The following ERBIN variants were observed in gnomAD, a reference collection of about 807,000 sequenced individuals.
ERBIN encodes the protein densin-180-like protein.
Under a neutral mutation model 158.4 loss-of-function variants are expected in ERBIN, and 60 were observed. That is an observed-to-expected ratio of 0.38 (90% CI 0.31 to 0.47). ERBIN has a LOEUF of 0.47. Among genes scored for constraint, ERBIN ranks in the 20% least tolerant of loss-of-function variants. ERBIN has a pLI of 0.99. For synonymous variants in ERBIN, 594 were observed against 557.2 expected, an observed-to-expected ratio of 1.07 and a Z score of -0.93; for missense variants, 1,610 against 1,648.0, an observed-to-expected ratio of 0.98 and a Z score of 0.40.
chr5:65,944,464 C>A (rs1269203431), intron 1 of ERBIN, among the ~76,000 whole-genome samples: 1 of 152,034 alleles, frequency 6.6e-6, no homozygotes, highest in Non-Finnish European at 1.5e-5. Context: ...TGCAGTGGTG[C>A]AATCTCGGCT....
chr5:66,070,245 A>G (rs1342418699), intron 21 of ERBIN, among the ~76,000 whole-genome samples: 2 of 151,958 alleles, frequency 1.3e-5, no homozygotes, highest in Non-Finnish European at 2.9e-5. Context: ...GGGTTTCACT[A>G]TGTTGGCCAG....
At chr5:66,011,914 T>C in intron 4 of ERBIN, 135 bp from the exon 5 acceptor site, 1 of 523,694 alleles carries the variant, frequency 1.9e-6, no homozygotes, top group African/African-American at 1.9e-5. Context: ...TTAGTTCACA[T>C]TGATGTTGTC....
chr5:65,968,802 C>G (rs558882809), intron 1 of ERBIN, among the ~76,000 whole-genome samples: 1 of 152,176 alleles, frequency 6.6e-6, no homozygotes. Flanking sequence ...CTCAGGTGAT[C>G]CACCTGCCTC....
At chr5:66,026,261 A>C in intron 12 of ERBIN, 41 bp from the exon 13 acceptor site, 5 of 1,324,504 alleles carry the variant, frequency 3.8e-6, no homozygotes, top group Non-Finnish European at 5.2e-6. Context: ...ATCAACCTGT[A>C]GGCCAAATTT....
chr5:65,993,570 A>G (rs1048800963), intron 3 of ERBIN, among the ~76,000 whole-genome samples: 4 of 151,944 alleles, frequency 2.6e-5, no homozygotes, highest in African/African-American at 9.7e-5. Flanking sequence ...TCATTATCCT[A>G]TACCAGTTAA....
At chr5:66,055,046 C>T in intron 21 of ERBIN, 95 bp downstream of exon 21, 1 of 1,435,574 alleles carries the variant, frequency 7.0e-7, no homozygotes, top group Non-Finnish European at 9.1e-7. Context: ...CTGATTATCT[C>T]TTTATATTCT....
intron 1 of ERBIN, among the ~76,000 whole-genome samples, chr5:65,960,712 T>G (rs1179512630): frequency 6.6e-6 from 1 of 152,212 alleles, no homozygotes; most frequent in Non-Finnish European, 1.5e-5. Flanking sequence ...TGACAAGATT[T>G]TTTGAAGTGG....
At chr5:66,042,835 G>T (rs879824630) in intron 15 of ERBIN, among the ~76,000 whole-genome samples, 13 of 152,026 alleles carry the variant, frequency 8.6e-5, no homozygotes, top group Non-Finnish European at 1.8e-4. Flanking sequence ...CTTCTGGTAA[G>T]AAAACAAGAC....
intron 4 of ERBIN, among the ~76,000 whole-genome samples, chr5:65,996,345 T>G (rs1287025532): frequency 6.6e-6 from 1 of 151,660 alleles, no homozygotes; most frequent in East Asian, 1.9e-4. Context: ...GGGTTTAATT[T>G]CATTCTTCTG....
chr5:65,930,790 CCTT>C (rs1311940468), intron 1 of ERBIN, among the ~76,000 whole-genome samples: 7 of 152,254 alleles, frequency 4.6e-5, no homozygotes, highest in South Asian at 2.1e-4. Context: ...TTTCTCTGTT[CCTT>C]CTTCTCTGTA....
intron 14 of ERBIN, among the ~76,000 whole-genome samples, chr5:66,029,831 C>T (rs1756668249): frequency 2.0e-5 from 3 of 152,036 alleles, no homozygotes; most frequent in Admixed American, 6.6e-5. Context: ...CCTCATGATC[C>T]GCTTGTGTTG....
rs143649590 is a variant in ERBIN, at chr5:66,030,784, T to A, written c.1206+2441T>A. The stretch of plus-strand genomic sequence containing the variant: ...CAAGATCTCATGATATTGCCCAGGC[T>A]GGTCTTGAACTCCTGGACTCAAGCC... On this transcript the variant is annotated intron_variant, in intron 14 of 25. Coordinates refer to ENST00000284037, the MANE Select transcript of ERBIN (RefSeq NM_001253697.2). Among the ~76,000 whole-genome samples, 947 of 152,054 alleles carry A rather than the reference T, an allele frequency of 6.2e-3. 12 individuals are homozygous for A. Among genetic ancestry groups the A allele is most frequent in the African/African-American group, 0.022 (907 of 41,460 alleles).
intron 1 of ERBIN, among the ~76,000 whole-genome samples, chr5:65,933,712 GTATTCTT>G (rs1178281991): frequency 3.9e-5 from 6 of 152,076 alleles, no homozygotes; most frequent in Middle Eastern, 3.4e-3. Flanking sequence ...AGCCTACTTT[GTATTCTT>G]TATAAATTCC....
chr5:66,002,553 C>T (rs969042807), intron 4 of ERBIN, among the ~76,000 whole-genome samples: 3 of 152,098 alleles, frequency 2.0e-5, no homozygotes, highest in Non-Finnish European at 2.9e-5. Flanking sequence ...GCAGAGAAAC[C>T]AGAAAGAGTA....
chr5:65,940,664 C>T (rs1333866808), intron 1 of ERBIN, among the ~76,000 whole-genome samples: 20 of 141,736 alleles, frequency 1.4e-4, no homozygotes, highest in Non-Finnish European at 2.3e-4. Context: ...GCCCCCCGCC[C>T]GGCCAGCCGC....
In ERBIN at chr5:66,046,548, T is replaced by C; in HGVS notation, c.1788+10T>C. The C allele has an allele frequency of 6.4e-7, 1 of 1,560,048 alleles. No individual in the cohort carries two copies. Among genetic ancestry groups the C allele is most frequent in the Non-Finnish European group, 8.7e-7 (1 of 1,151,848 alleles). ...TGATGATGTTTTTGAGGTATGATTT[T>C]ATGATTATTCTGGAGCAACTATAAG... On this transcript the variant is annotated intron_variant, in intron 18 of 25. Coordinates refer to ENST00000284037, the MANE Select transcript of ERBIN (RefSeq NM_001253697.2).
rs201285970 is a variant in ERBIN at position 66,075,099 on chromosome 5, C to G, written c.3832C>G (p.Gln1278Glu). The G allele has an allele frequency of 2.8e-5, 46 of 1,614,148 alleles. No homozygotes were observed. Among genetic ancestry groups the G allele is most frequent in the Non-Finnish European group, 3.8e-5 (45 of 1,180,018 alleles). ...ANYSQIHHPP[Q>E]ASVARHPSRE... is the part of the protein sequence containing the mutation. ...TTATAGTCAAATACATCACCCCCCT[C>G]AGGCATCTGTGGCAAGGCATCCCTC... Residue 1278 changes from glutamine to glutamate, a missense_variant, in exon 23 of 26, where the codon CAG becomes GAG. By Grantham distance (29) the Gln-to-Glu change is conservative. This residue lies in a region of ERBIN where 1,014 missense variants were observed against 936.1 expected (regional missense o/e 1.08). Coordinates refer to ENST00000284037, the MANE Select transcript of ERBIN (RefSeq NM_001253697.2).
At chr5:65,961,359 A>G (rs1247593147) in intron 1 of ERBIN, 4 of 152,172 alleles carry the variant, frequency 2.6e-5, no homozygotes, top group East Asian at 1.9e-4. Flanking sequence ...ACTGGTGTTT[A>G]TTTATATCGT....
chr5:65,963,918 G>A (rs1271658645), intron 1 of ERBIN, among the ~76,000 whole-genome samples: 1 of 151,612 alleles, frequency 6.6e-6, no homozygotes, highest in African/African-American at 2.4e-5. Flanking sequence ...TCCTGCCTCA[G>A]CTTCCCGAGT....
Sources: allele counts gnomAD v4.1 joint callset (sites outside exome capture counted in the v4.1 genomes callset), GRCh38; gene constraint gnomAD v4.1.1; regional missense constraint gnomAD v4.1.1; transcripts MANE v1.5; gene names NCBI Gene and HGNC (gene_info 2026-07-23, HGNC 2026-07-21).